LUZP2: variants seen among roughly 807,000 people sequenced by gnomAD.
LUZP2 encodes leucine zipper protein 2.
In LUZP2, 52 loss-of-function variants were observed where a neutral mutation model predicts 51.6. The ratio of observed to expected loss-of-function variants is 1.01; its 90% CI spans 0.81 to 1.27. The LOEUF (loss-of-function observed/expected upper bound fraction) is 1.27. Among genes scored for constraint, LUZP2 ranks in the 50% most tolerant of loss-of-function variants. The pLI, the probability that LUZP2 is intolerant of heterozygous loss-of-function variation, is 0.00. For synonymous variants in LUZP2, 154 were observed against 137.3 expected (o/e 1.12, Z -0.85); for missense variants, 436 against 395.4 (o/e 1.10, Z -0.87).
rs541914643 is a variant in LUZP2 at position 24,846,857 on chromosome 11, TAC to T, written c.397-59131_397-59130del. On this transcript the variant is annotated intron_variant, in intron 5 of 11. Coordinates refer to ENST00000336930, the MANE Select transcript of LUZP2 (RefSeq NM_001009909.4). Reference sequence around the variant, plus strand: ...TGTGTATACATATATATGTATTTAATACACTCTCTCCATATATACATATATAA... The same window carrying T: ...TGTGTATACATATATATGTATTTAATACTCTCTCCATATATACATATATAA... Among the ~76,000 whole-genome samples, 378 of 152,026 alleles carry T rather than the reference TAC, an allele frequency of 2.5e-3. 1 individual carries two copies. The highest frequency in any genetic ancestry group is 8.1e-3 in the African/African-American group (337 of 41,518).
intron 7 of LUZP2, among the ~76,000 whole-genome samples, chr11:24,917,692 A>G (rs1481757729): frequency 2.6e-5 from 4 of 151,302 alleles, no homozygotes; most frequent in Non-Finnish European, 4.4e-5. Flanking sequence ...CCATTGGTCT[A>G]TATCTCTGTT....
At chr11:24,661,869 G>A (rs960496884) in intron 1 of LUZP2, among the ~76,000 whole-genome samples, 2 of 152,114 alleles carry the variant, frequency 1.3e-5, no homozygotes, top group African/African-American at 4.8e-5. Context: ...ATGCTCTTGA[G>A]AGAAAGAGTA....
intron 1 of LUZP2, among the ~76,000 whole-genome samples, chr11:24,629,047 A>G (rs1854785699): frequency 1.3e-5 from 2 of 152,130 alleles, no homozygotes; most frequent in Non-Finnish European, 1.5e-5. Flanking sequence ...CAAACTTTCT[A>G]TGATAAATTT....
At chr11:25,048,209 C>T (rs1404208309) in intron 9 of LUZP2, among the ~76,000 whole-genome samples, 1 of 152,148 alleles carries the variant, frequency 6.6e-6, no homozygotes, top group Non-Finnish European at 1.5e-5. Context: ...GCTCCTTCTA[C>T]CCTATAGACC....
intron 1 of LUZP2, among the ~76,000 whole-genome samples, chr11:24,719,532 A>G (rs1398481753): frequency 1.3e-5 from 2 of 152,240 alleles, no homozygotes; most frequent in Non-Finnish European, 2.9e-5. Flanking sequence ...CAAGTACTCA[A>G]CTGGCCAATC....
At chr11:25,031,798 G>T (rs1857695533) in intron 9 of LUZP2, among the ~76,000 whole-genome samples, 1 of 151,970 alleles carries the variant, frequency 6.6e-6, no homozygotes, top group Admixed American at 6.6e-5. Flanking sequence ...TAGAAATAAA[G>T]TTTACAAATT....
chr11:24,643,682 A>G (rs1387125475), intron 1 of LUZP2, among the ~76,000 whole-genome samples: 1 of 152,202 alleles, frequency 6.6e-6, no homozygotes. Context: ...TTGCTTTGTA[A>G]GGCTAGTAGG....
chr11:24,581,731 A>G (rs959310155), intron 1 of LUZP2, among the ~76,000 whole-genome samples: 1 of 132,146 alleles, frequency 7.6e-6, no homozygotes, highest in Admixed American at 8.0e-5. Context: ...ATATAAATAT[A>G]AATGTGCTAA....
chr11:24,568,811 A>T (rs1852332367), intron 1 of LUZP2, among the ~76,000 whole-genome samples: 1 of 152,022 alleles, frequency 6.6e-6, no homozygotes, highest in Non-Finnish European at 1.5e-5. Context: ...ATGATTTGAA[A>T]GTTGTTAATT....
chr11:24,895,126 G>A (rs1852996924), intron 5 of LUZP2, among the ~76,000 whole-genome samples: 1 of 152,092 alleles, frequency 6.6e-6, no homozygotes, highest in African/African-American at 2.4e-5. Flanking sequence ...CAGATTTTCC[G>A]TGGGGTGGCA....
chr11:24,914,095 TA>T (rs1051342551), intron 6 of LUZP2, among the ~76,000 whole-genome samples: 19 of 152,092 alleles, frequency 1.2e-4, no homozygotes, highest in African/African-American at 1.4e-4. Flanking sequence ...TAATTTAATT[TA>T]AAAAAAGTAA....
intron 5 of LUZP2, among the ~76,000 whole-genome samples, chr11:24,775,788 A>G (rs1444002854): frequency 6.6e-6 from 1 of 152,142 alleles, no homozygotes; most frequent in Non-Finnish European, 1.5e-5. Flanking sequence ...GTGTTCCCTG[A>G]ACATGCTTCA....
chr11:24,633,297 G>A (rs1262392447), intron 1 of LUZP2, among the ~76,000 whole-genome samples: 2 of 151,850 alleles, frequency 1.3e-5, no homozygotes, highest in Non-Finnish European at 2.9e-5. Flanking sequence ...AATAAAATGA[G>A]GATATATAGG....
intron 5 of LUZP2, among the ~76,000 whole-genome samples, chr11:24,800,113 GC>G (rs1219547492): frequency 1.3e-5 from 2 of 151,766 alleles, no homozygotes; most frequent in Admixed American, 1.3e-4. Context: ...CTATCCACCC[GC>G]CCCCACCCTT....
chr11:24,712,466 C>T (rs1857871169), intron 1 of LUZP2, among the ~76,000 whole-genome samples: 1 of 152,064 alleles, frequency 6.6e-6, no homozygotes, highest in African/African-American at 2.4e-5. Flanking sequence ...TGAGGATTTG[C>T]AGCTAAGGAA....
intron 7 of LUZP2, among the ~76,000 whole-genome samples, chr11:24,929,725 T>G (rs1854389915): frequency 6.6e-6 from 1 of 152,176 alleles, no homozygotes; most frequent in Non-Finnish European, 1.5e-5. Context: ...TGTAAATATC[T>G]GTTAAGTCCA....
At chr11:24,686,545 GTAAGTA>G (rs1242006490) in intron 1 of LUZP2, among the ~76,000 whole-genome samples, 2 of 152,126 alleles carry the variant, frequency 1.3e-5, no homozygotes, top group African/African-American at 4.8e-5. Context: ...TTCTAAATGT[GTAAGTA>G]TATCTGTTCA....
At chr11:24,541,294 A>G (rs1467630922) in intron 1 of LUZP2, among the ~76,000 whole-genome samples, 1 of 149,878 alleles carries the variant, frequency 6.7e-6, no homozygotes, top group Non-Finnish European at 1.5e-5. Context: ...AGGTGATGGC[A>G]TTCGCCTACA....
chr11:24,737,770 T>TAC (rs1858997809), intron 3 of LUZP2, among the ~76,000 whole-genome samples: 1 of 152,100 alleles, frequency 6.6e-6, no homozygotes, highest in Non-Finnish European at 1.5e-5. Context: ...AAAGGATGTA[T>TAC]AAAGCACAAT....
Sources: allele counts gnomAD v4.1 joint callset (sites outside exome capture counted in the v4.1 genomes callset), GRCh38; gene constraint gnomAD v4.1.1; transcripts MANE v1.5; gene names NCBI Gene and HGNC (gene_info 2026-07-23, HGNC 2026-07-21).